The following TSNARE1 variants were observed in gnomAD, a reference collection of about 807,000 sequenced individuals.
TSNARE1 encodes t-SNARE domain-containing protein 1.
TSNARE1 carries 49 observed loss-of-function variants against 62.0 expected under a neutral mutation model. That is an observed-to-expected ratio of 0.79 (90% confidence interval 0.63 to 1.00). TSNARE1 has a LOEUF of 1.00. Among genes scored for constraint, TSNARE1 ranks in the 50% least tolerant of loss-of-function variants. TSNARE1 has a pLI of 0.00. For missense variants in TSNARE1, 755 were observed against 700.1 expected (o/e 1.08, Z -0.88); for synonymous variants, 328 against 294.4 (o/e 1.11, Z -1.17).
At chr8:142,300,345 G>A (rs879526120) in intron 10 of TSNARE1, 141 bp downstream of exon 10, 1 of 954,744 alleles carries the variant, frequency 1.0e-6, no homozygotes, top group East Asian at 2.7e-5. Context: ...TGGTTAGAAT[G>A]GGCAAGGCCA....
rs938784797 is a variant in TSNARE1 at position 142,291,671 on chromosome 8, G to A, written c.1291-7186C>T. ...CCGTTGCCTCCGCGGGCTTACGCTC[G>A]AGTGGCGAGAGATGAATCCTAACGA... is the stretch of plus-strand genomic sequence containing the variant. On this transcript the variant is annotated intron_variant, in intron 10 of 13. Coordinates refer to ENST00000524325, the MANE Select transcript of TSNARE1 (RefSeq NM_145003.5). The surrounding 1 kb of genome is among the most constrained non-coding windows in gnomAD (Gnocchi z 4.8). Among the ~76,000 whole-genome samples, 4 of 152,210 alleles carry A rather than the reference G, an allele frequency of 2.6e-5. No individual in the cohort carries two copies. Among genetic ancestry groups the A allele is most frequent in the East Asian group, 1.9e-4 (1 of 5,162 alleles).
At chr8:142,225,333 C>A (rs533811342) in intron 13 of TSNARE1, among the ~76,000 whole-genome samples, 58 of 152,232 alleles carry the variant, frequency 3.8e-4, no homozygotes, top group African/African-American at 1.3e-3. Context: ...TTGGCCCTGG[C>A]CCTGCTGGGA....
intron 9 of TSNARE1, among the ~76,000 whole-genome samples, chr8:142,307,693 A>C (rs1386158690): frequency 6.6e-6 from 1 of 152,218 alleles, no homozygotes; most frequent in Non-Finnish European, 1.5e-5. Flanking sequence ...GGTGGAATCC[A>C]TGGATGTGAA....
intron 4 of TSNARE1, among the ~76,000 whole-genome samples, chr8:142,342,461 C>T (rs1158664652): frequency 1.3e-5 from 2 of 152,194 alleles, no homozygotes; most frequent in African/African-American, 2.4e-5. Flanking sequence ...TTGAGGGGAA[C>T]CTTGGCCCAC....
rs1191779304 is a variant in TSNARE1 at position 142,321,707 on chromosome 8, G to A, written c.894-3073C>T. 2.6e-5 allele frequency among the ~76,000 whole-genome samples: 4 copies of A among 152,072 alleles called. No homozygotes were observed. In the South Asian group the frequency reaches 8.3e-4, roughly 32 times the overall value. On this transcript the variant is annotated intron_variant, in intron 6 of 13. Transcript: ENST00000524325. The stretch of plus-strand genomic sequence containing the variant: ...GGCCCATAAATTTGACAACTAAGAT[G>A]AAATAGAAAAATTCCTTAAAAGACA...
Position 142,332,408 on chromosome 8 carries a change from A to G in TSNARE1, c.746-577T>C, listed in dbSNP as rs186771101. On this transcript the variant is annotated intron_variant, in intron 4 of 13. Coordinates refer to ENST00000524325, the MANE Select transcript of TSNARE1 (RefSeq NM_145003.5). ...AGCCAGGGCAGGGGCAGTGAGAGGG[A>G]GGAATGGGCATGACTGCTGATGGGT... Among the ~76,000 whole-genome samples, 99 of 152,220 alleles carry G rather than the reference A, an allele frequency of 6.5e-4. 1 individual carries two copies. The highest frequency in any genetic ancestry group is 3.4e-3 in the Middle Eastern group (1 of 294).
intron 12 of TSNARE1, among the ~76,000 whole-genome samples, chr8:142,266,845 A>G (rs1819159143): frequency 6.6e-6 from 1 of 152,070 alleles, no homozygotes; most frequent in South Asian, 2.1e-4. Context: ...TACTCTCCCC[A>G]TCTCTTCATC....
intron 3 of TSNARE1, among the ~76,000 whole-genome samples, 161 bp from the exon 4 acceptor site, chr8:142,344,633 GC>G (rs1833106776): frequency 6.6e-6 from 1 of 152,202 alleles, no homozygotes. Context: ...AGAGACCTGG[GC>G]CCACGATCCC....
chr8:142,280,052 G>C, intron 11 of TSNARE1: 1 of 1,237,518 alleles, frequency 8.1e-7, no homozygotes, highest in South Asian at 1.4e-5. Context: ...CAGTAGCCCA[G>C]CGCGTTCACT....
intron 10 of TSNARE1, among the ~76,000 whole-genome samples, chr8:142,299,156 G>A (rs953854525): frequency 3.9e-5 from 6 of 152,206 alleles, no homozygotes; most frequent in African/African-American, 9.6e-5. Context: ...AGAAATGGGC[G>A]CTCCTCCACC....
chr8:142,401,071 T>C (rs1838255734), intron 1 of TSNARE1, among the ~76,000 whole-genome samples: 1 of 152,178 alleles, frequency 6.6e-6, no homozygotes, highest in Admixed American at 6.5e-5. Flanking sequence ...GGCATGTTTG[T>C]CTTTCCTCCC....
chr8:142,223,165 C>CTCT (rs1816540107), intron 13 of TSNARE1, among the ~76,000 whole-genome samples: 3 of 87,606 alleles, frequency 3.4e-5, no homozygotes, highest in South Asian at 4.2e-4. Flanking sequence ...CATTCACTCA[C>CTCT]TCACTCAAGT....
At chr8:142,228,976 GTAGA>G (rs1816962143) in intron 13 of TSNARE1, among the ~76,000 whole-genome samples, 1 of 152,158 alleles carries the variant, frequency 6.6e-6, no homozygotes, top group Non-Finnish European at 1.5e-5. Flanking sequence ...TGAATGGAAG[GTAGA>G]TGGATGGACA....
chr8:142,374,157 A>C (rs939078419), intron 1 of TSNARE1, among the ~76,000 whole-genome samples: 1 of 151,350 alleles, frequency 6.6e-6, no homozygotes, highest in African/African-American at 2.4e-5. Flanking sequence ...TACAAAAGTT[A>C]GCCAGGCGTG....
intron 13 of TSNARE1, among the ~76,000 whole-genome samples, chr8:142,219,290 G>A (rs1320863201): frequency 2.0e-5 from 3 of 152,192 alleles, no homozygotes; most frequent in Non-Finnish European, 4.4e-5. Context: ...GAGAAGGAAA[G>A]CTTAGGGAGA....
At chr8:142,256,169 CCAT>C (rs1196212598) in intron 12 of TSNARE1, among the ~76,000 whole-genome samples, 1 of 119,420 alleles carries the variant, frequency 8.4e-6, no homozygotes, top group African/African-American at 3.2e-5. Context: ...ATCACCACCA[CCAT>C]CACCATCACC....
chr8:142,274,829 C>T lies in TSNARE1; in HGVS notation c.1398G>A (p.Ser466=), dbSNP rs767133533. The part of the protein sequence containing the change: ...SIEASLEAAS[S]HAEAARQLLA... ...GGAGCTGGCGGGCTGCCTCCGCATG[C>T]GAGGACGCAGCCTCAAGGCTGGCTT... The change falls in exon 12 of 14, where the codon TCG becomes TCA. Residue 466 remains serine (S), a synonymous_variant. Coordinates refer to ENST00000524325, the MANE Select transcript of TSNARE1 (RefSeq NM_145003.5). 8 of 1,580,046 alleles carry T rather than the reference C, an allele frequency of 5.1e-6. No individual in the cohort carries two copies. Among genetic ancestry groups the T allele is most frequent in the African/African-American group, 2.7e-5 (2 of 73,538 alleles).
chr8:142,227,517 G>A (rs1816897830), intron 13 of TSNARE1, among the ~76,000 whole-genome samples: 2 of 151,964 alleles, frequency 1.3e-5, no homozygotes, highest in African/African-American at 2.4e-5. Flanking sequence ...TGACAGCCAG[G>A]CCCCCCATTC....
intron 12 of TSNARE1, among the ~76,000 whole-genome samples, chr8:142,253,144 G>A (rs954656870): frequency 5.9e-5 from 9 of 152,340 alleles, no homozygotes; most frequent in African/African-American, 2.2e-4. Context: ...CTCTGCCACG[G>A]GTGAGAGTGC....
Sources: allele counts gnomAD v4.1 joint callset (sites outside exome capture counted in the v4.1 genomes callset), GRCh38; gene constraint gnomAD v4.1.1; non-coding constraint Gnocchi (gnomAD v3.1); transcripts MANE v1.5; gene names NCBI Gene and HGNC (gene_info 2026-07-23, HGNC 2026-07-21).